Variants in CRYGB observed in about 807,000 individuals in gnomAD.
CRYGB encodes the protein gamma-crystallin B.
CRYGB carries 19 observed loss-of-function variants against 21.3 expected under a neutral mutation model. That is an observed-to-expected ratio of 0.89 (90% CI 0.62 to 1.31). The LOEUF (loss-of-function observed/expected upper bound fraction) is 1.31, where lower values mean the gene tolerates loss of function less well. CRYGB is among the 50% of genes most tolerant of loss of function. The probability of loss-of-function intolerance (pLI) is 0.00; values close to 1 mark genes in which losing one functional copy is unlikely to be tolerated. For synonymous variants in CRYGB, 81 were observed against 81.2 expected (o/e 1.00, Z 0.01); for missense variants, 254 against 228.4 (o/e 1.11, Z -0.72).
At chr2:208,143,386 C>T (rs933373180) in intron 2 of CRYGB, among the ~76,000 whole-genome samples, 1 of 152,184 alleles carries the variant, frequency 6.6e-6, no homozygotes, top group Non-Finnish European at 1.5e-5. Flanking sequence ...ACAAATGCAT[C>T]TCTGATTGCT....
At chr2:208,144,344 G>A (rs978842864) in intron 2 of CRYGB, among the ~76,000 whole-genome samples, 4 of 151,806 alleles carry the variant, frequency 2.6e-5, no homozygotes, top group Non-Finnish European at 4.4e-5. Flanking sequence ...TAAATTGACT[G>A]AGACCTGTCT....
At chr2:208,145,376 A>G (rs921571009) in intron 2 of CRYGB, among the ~76,000 whole-genome samples, 4 of 151,908 alleles carry the variant, frequency 2.6e-5, no homozygotes, top group Non-Finnish European at 4.4e-5. Flanking sequence ...CCGCCCGAGT[A>G]GCTGGGATTT....
rs377658977 is a variant in CRYGB at position 208,145,946 on chromosome 2, T to C, written c.80A>G (p.Gln27Arg). The C allele has an allele frequency of 1.9e-6, 3 of 1,613,994 alleles. No homozygotes were observed. The highest frequency in any genetic ancestry group is 2.7e-5 in the African/African-American group (2 of 74,906). The change falls in exon 2 of 3, where the codon CAA becomes CGA. Residue 27 changes from glutamine to arginine, a missense_variant. Gln to Arg is a conservative substitution (Grantham distance 43, BLOSUM62 1). Coordinates refer to ENST00000260988, the MANE Select transcript of CRYGB (RefSeq NM_005210.4). The part of the protein sequence containing the change: ...YECTTDCPNL[Q>R]PYFSRCNSIR... ...GGAGTTGCAGCGGCTGAAATAGGGT[T>C]GTAGGTTGGGGCAGTCAGTGGTGCA...
intron 2 of CRYGB, among the ~76,000 whole-genome samples, chr2:208,145,546 G>A (rs1190312268): frequency 1.3e-5 from 2 of 151,486 alleles, no homozygotes; most frequent in Admixed American, 6.6e-5. Context: ...AAAATTGGCT[G>A]GGCATGGTGG....
rs1215039303 is a variant in CRYGB, at chr2:208,145,862, T to A, written c.164A>T (p.Gln55Leu). ...GTACTCCCCACGCCGCAGGAAGTACTGGTGGCCCTGGTAGTTGGGGCGCTC... is the reference window on the plus strand; with the variant it reads ...GTACTCCCCACGCCGCAGGAAGTACAGGTGGCCCTGGTAGTTGGGGCGCTC... ...IYERPNYQGH[Q>L]YFLRRGEYPD... The change falls in exon 2 of 3, where the codon CAG becomes CTG. Residue 55 changes from glutamine to leucine, a missense_variant. Physicochemically the swap from Gln to Leu is moderately radical, Grantham distance 113. Transcript: ENST00000260988. 1.4e-5 allele frequency: 22 copies of A among 1,614,132 alleles called. No individual in the cohort carries two copies. In the East Asian group the frequency reaches 4.9e-4, roughly 36 times the overall value.
intron 2 of CRYGB, among the ~76,000 whole-genome samples, chr2:208,143,658 C>G (rs1479208722): frequency 2.0e-5 from 3 of 152,094 alleles, no homozygotes; most frequent in African/African-American, 2.4e-5. Flanking sequence ...CCCACCACCA[C>G]GATTAGCTAA....
At position 208,145,993 on chromosome 2, in the gene CRYGB, G is replaced by T; in HGVS notation, c.33C>A (p.Ala11=). The T allele has an allele frequency of 6.2e-7, 1 of 1,614,208 alleles. No individual in the cohort carries two copies. The highest frequency in any genetic ancestry group is 1.1e-5 in the South Asian group (1 of 91,084). MGKITFYEDR[A]FQGRSYECTT... is the part of the protein sequence containing the mutation. ...TGCATTCGTAGCTGCGGCCCTGGAAGGCCCTGTCCTCGTAGAAGGTGATCT... is the reference window on the plus strand; with the variant it reads ...TGCATTCGTAGCTGCGGCCCTGGAATGCCCTGTCCTCGTAGAAGGTGATCT... Residue 11 remains alanine, a synonymous_variant, in exon 2 of 3, where the codon GCC becomes GCA. Transcript: ENST00000260988.
In CRYGB at chr2:208,142,735, T is replaced by C; in HGVS notation, c.431A>G (p.Gln144Arg). The C allele has an allele frequency of 6.2e-7, 1 of 1,614,164 alleles. No homozygotes were observed. The highest frequency in any genetic ancestry group is 8.5e-7 in the Non-Finnish European group (1 of 1,180,026). The change falls in exon 3 of 3, where the codon CAG (glutamine) becomes CGG (arginine). Residue 144 changes from glutamine (Q) to arginine (R), a missense_variant. Coordinates refer to ENST00000260988, the MANE Select transcript of CRYGB (RefSeq NM_005210.4). ...LYEMPNYRGR[Q>R]YLLRPGEYRR... ...GTACTCCCCCGGCCTCAGCAGATAC[T>C]GCCTCCCCCTGTAGTTGGGCATCTC...
intron 2 of CRYGB, among the ~76,000 whole-genome samples, chr2:208,144,383 G>A (rs12472511): frequency 0.42 from 63,063 of 149,696 alleles, 13,647 homozygotes; most frequent in South Asian, 0.5. Flanking sequence ...TATTATATGC[G>A]CACGCACACA....
Position 208,145,812 on chromosome 2 carries a change from G to A in CRYGB, c.214C>T (p.Leu72Phe). 1 of 1,613,900 alleles carries A rather than the reference G, an allele frequency of 6.2e-7. No homozygotes were observed. The highest frequency in any genetic ancestry group is 8.5e-7 in the Non-Finnish European group (1 of 1,180,020). ...CAGCAGGAGCGGATGGAGTCGCTGA[G>A]GCCCATCCATTGCTGGTAGTCAGGG... ...EYPDYQQWMGLSDSIRSCCLI... is the reference protein window; with the variant it reads ...EYPDYQQWMGFSDSIRSCCLI... The change falls in exon 2 of 3, where the codon CTC becomes TTC. Residue 72 changes from leucine (L) to phenylalanine (F), a missense_variant. By Grantham distance (22) the Leu-to-Phe change is conservative. Transcript: ENST00000260988.
intron 2 of CRYGB, among the ~76,000 whole-genome samples, chr2:208,145,417 C>T (rs936278548): frequency 5.9e-5 from 9 of 151,842 alleles, no homozygotes; most frequent in African/African-American, 1.5e-4. Flanking sequence ...GGCCGGATGC[C>T]GTGGTTCACA....
At chr2:208,144,082 G>A (rs10190999) in intron 2 of CRYGB, among the ~76,000 whole-genome samples, 4 of 144,558 alleles carry the variant, frequency 2.8e-5, no homozygotes, top group Admixed American at 7.1e-5. Flanking sequence ...GTGCAATGGC[G>A]TGATCTCGGC....
At chr2:208,144,127 TCTC>T (rs1380360777) in intron 2 of CRYGB, among the ~76,000 whole-genome samples, 3 of 149,186 alleles carry the variant, frequency 2.0e-5, no homozygotes, top group African/African-American at 7.4e-5. Flanking sequence ...TTCAAGCAAT[TCTC>T]CTGCCTCAGC....
rs753859115 is a variant in CRYGB, at chr2:208,142,794, G to C, written c.372C>G (p.Ser124=). Residue 124 remains serine (S), a synonymous_variant, in exon 3 of 3, where the codon TCC becomes TCG. Coordinates refer to ENST00000260988, the MANE Select transcript of CRYGB (RefSeq NM_005210.4). ...QDRFHLTEIH[S]LNVLEGSWIL... ...TCCAGCTGCCCTCCAGCACATTGAG[G>C]GAGTGAATTTCAGTGAGGTGGAAGC... is the stretch of plus-strand genomic sequence containing the variant. The C allele has an allele frequency of 6.2e-7, 1 of 1,614,122 alleles. No homozygotes were observed. Among genetic ancestry groups the C allele is most frequent in the Non-Finnish European group, 8.5e-7 (1 of 1,180,026 alleles).
chr2:208,144,404 T>C (rs13019100), intron 2 of CRYGB, among the ~76,000 whole-genome samples: 16 of 132,652 alleles, frequency 1.2e-4, no homozygotes, highest in South Asian at 2.6e-4. Flanking sequence ...CACACACACA[T>C]ATATGTATTT....
At chr2:208,145,569 A>G (rs1370295494) in intron 2 of CRYGB, among the ~76,000 whole-genome samples, 1 of 151,156 alleles carries the variant, frequency 6.6e-6, no homozygotes, top group Non-Finnish European at 1.5e-5. Context: ...CATGCCTGTA[A>G]TCCCAACTAC....
At chr2:208,145,374 G>A (rs145353120) in intron 2 of CRYGB, among the ~76,000 whole-genome samples, 157 of 151,906 alleles carry the variant, frequency 1.0e-3, no homozygotes, top group African/African-American at 3.5e-3. Context: ...AGCCGCCCGA[G>A]TAGCTGGGAT....
intron 2 of CRYGB, among the ~76,000 whole-genome samples, chr2:208,144,378 T>C (rs1695416843): frequency 7.6e-6 from 1 of 132,278 alleles, no homozygotes; most frequent in African/African-American, 2.7e-5. Flanking sequence ...TTCACTATTA[T>C]ATGCGCACGC....
At position 208,142,875 on chromosome 2, in the gene CRYGB, A is replaced by T; in HGVS notation, c.291T>A (p.Asp97Glu). Residue 97 changes from aspartate (D) to glutamate (E), a missense_variant, in exon 3 of 3, where the codon GAT becomes GAA. Coordinates refer to ENST00000260988, the MANE Select transcript of CRYGB (RefSeq NM_005210.4). ...GCTCTGACATTTGTCCCCTCAATTC[A>T]TCTCTGTCGTAGATCTTCATTCTGT... The part of the protein sequence containing the change: ...GAYRMKIYDR[D>E]ELRGQMSELT... 3 of 1,612,898 alleles carry T rather than the reference A, an allele frequency of 1.9e-6. No homozygotes were observed. In the East Asian group the frequency reaches 6.7e-5, roughly 36 times the overall value.
Sources: gnomAD v4.1 joint callset for allele counts (sites outside exome capture counted in the v4.1 genomes callset) on GRCh38, gnomAD v4.1.1 for gene constraint, MANE v1.5 for transcripts, NCBI Gene and HGNC (gene_info 2026-07-23, HGNC 2026-07-21) for gene names.